Variants in DMD observed in about 807,000 individuals in gnomAD.
DMD encodes the protein dystrophin, also known as mutant dystrophin.
DMD carries 63 observed loss-of-function variants against 330.1 expected under a neutral mutation model. That is an observed-to-expected ratio of 0.19 (90% CI 0.16 to 0.24). DMD has a LOEUF of 0.24. Among genes scored for constraint, DMD ranks in the 10% least tolerant of loss-of-function variants. The pLI is 1.00. For missense variants in DMD, 3,344 were observed against 2,684.1 expected, an observed-to-expected ratio of 1.25 and a Z score of -5.43; for synonymous variants, 1,223 against 959.8, an observed-to-expected ratio of 1.27 and a Z score of -5.07.
chrX:31,340,123 C>T (rs1293766671), intron 61 of DMD, among the ~76,000 whole-genome samples: 1 of 112,196 alleles, frequency 8.9e-6, no homozygotes, highest in African/African-American at 3.2e-5. Context: ...CCCTATGTAT[C>T]AAGGAGAAAC....
intron 52 of DMD, among the ~76,000 whole-genome samples, chrX:31,724,596 T>C (rs938362369): frequency 8.9e-6 from 1 of 111,844 alleles, no homozygotes; most frequent in Non-Finnish European, 1.9e-5. Context: ...CTCTTAAAAC[T>C]TGGAATTCTG....
intron 60 of DMD, among the ~76,000 whole-genome samples, chrX:31,410,517 C>T (rs1338015027): frequency 5.4e-5 from 6 of 111,131 alleles, no homozygotes; most frequent in East Asian, 2.8e-4. Flanking sequence ...TTTCCTTATA[C>T]TATCATAATT....
At chrX:32,138,814 G>A (rs1165144534) in intron 44 of DMD, among the ~76,000 whole-genome samples, 1 of 112,023 alleles carries the variant, frequency 8.9e-6, no homozygotes, top group African/African-American at 3.2e-5. Flanking sequence ...CTGTGCCTAA[G>A]CTAAGTGCCT....
chrX:32,334,313 C>T (rs1221397012), intron 41 of DMD, among the ~76,000 whole-genome samples: 1 of 111,892 alleles, frequency 8.9e-6, no homozygotes, highest in Non-Finnish European at 1.9e-5. Flanking sequence ...ATTCCATTTG[C>T]TAAAGAACAT....
At chrX:32,928,470 C>T (rs987132202) in intron 2 of DMD, among the ~76,000 whole-genome samples, 7 of 111,100 alleles carry the variant, frequency 6.3e-5, no homozygotes, top group East Asian at 2.8e-4. Context: ...TATGTGGATA[C>T]GTAGGTATGT....
intron 29 of DMD, among the ~76,000 whole-genome samples, chrX:32,420,391 G>A (rs1271584082): frequency 9.0e-6 from 1 of 111,708 alleles, no homozygotes; most frequent in Non-Finnish European, 1.9e-5. Context: ...AATCAAGTTG[G>A]AAAAGATGAG....
intron 43 of DMD, among the ~76,000 whole-genome samples, chrX:32,242,890 TGAAAA>T (rs1197074254): frequency 9.5e-6 from 1 of 105,613 alleles, no homozygotes; most frequent in Non-Finnish European, 1.9e-5. Context: ...TTTGTGGTAC[TGAAAA>T]GAAAGCAAGC....
intron 43 of DMD, among the ~76,000 whole-genome samples, chrX:32,250,143 G>A (rs1337050716): frequency 9.0e-6 from 1 of 110,879 alleles, no homozygotes; most frequent in Non-Finnish European, 1.9e-5. Context: ...TCTTCTCAAT[G>A]GAGGATTTTT....
At chrX:32,636,915 G>A (rs1054929952) in intron 11 of DMD, among the ~76,000 whole-genome samples, 3 of 109,870 alleles carry the variant, frequency 2.7e-5, no homozygotes, top group African/African-American at 6.6e-5. Flanking sequence ...GGAGAATGGC[G>A]TGAACCCGGG....
At chrX:32,873,648 A>C (rs1411779092) in intron 2 of DMD, among the ~76,000 whole-genome samples, 1 of 112,006 alleles carries the variant, frequency 8.9e-6, no homozygotes, top group Non-Finnish European at 1.9e-5. Context: ...TTCTGTGTCT[A>C]GAATCTAAAT....
At chrX:32,311,787 G>T (rs1430575453) in intron 41 of DMD, among the ~76,000 whole-genome samples, 3 of 111,504 alleles carry the variant, frequency 2.7e-5, no homozygotes, top group Non-Finnish European at 5.7e-5. Flanking sequence ...ACATTTAAAA[G>T]AAAAATAACT....
At chrX:32,683,795 A>G (rs1011373517) in intron 9 of DMD, among the ~76,000 whole-genome samples, 3 of 109,618 alleles carry the variant, frequency 2.7e-5, no homozygotes, top group African/African-American at 6.6e-5. Context: ...AATAAAAAAA[A>G]AAAGAAAGAA....
chrX:32,345,917 GTATAT>G (rs746696152), intron 39 of DMD, 21 bp downstream of exon 39: 101 of 1,200,966 alleles, frequency 8.4e-5, no homozygotes, highest in Non-Finnish European at 1.1e-4. Flanking sequence ...CACAGGCAAG[GTATAT>G]TATAATTTTA....
chrX:31,842,437 A>T (rs1176449342), intron 48 of DMD, among the ~76,000 whole-genome samples: 1 of 112,251 alleles, frequency 8.9e-6, no homozygotes, highest in Non-Finnish European at 1.9e-5. Context: ...GAGAGCCTTG[A>T]CCTCATTTTT....
In DMD at chrX:31,803,775, C is replaced by T. The variant is rs771349866; in HGVS notation, c.7309+16200G>A. Among the ~76,000 whole-genome samples the T allele has an allele frequency of 4.5e-5, 5 of 110,025 alleles. No individual in the cohort carries two copies. The South Asian group carries it at 2.0e-3, about 44-fold the overall frequency. Reference sequence around the variant, plus strand: ...AGCGCAATGGCACAATCTTGGCTCACCGCAACCTCCACCTCCTGGGTTCAA... The same window carrying T: ...AGCGCAATGGCACAATCTTGGCTCATCGCAACCTCCACCTCCTGGGTTCAA... On this transcript the variant is annotated intron_variant, in intron 50 of 78. Coordinates refer to ENST00000357033, the MANE Select transcript of DMD (RefSeq NM_004006.3).
intron 50 of DMD, among the ~76,000 whole-genome samples, chrX:31,805,103 G>A (rs989580743): frequency 9.0e-6 from 1 of 111,513 alleles, no homozygotes; most frequent in Non-Finnish European, 1.9e-5. Flanking sequence ...GATAAATTAA[G>A]GATACAAATG....
At chrX:31,289,901 T>TATC in intron 62 of DMD, among the ~76,000 whole-genome samples, 1 of 7,795 alleles carries the variant, frequency 1.3e-4, no homozygotes, top group Non-Finnish European at 2.4e-4. Flanking sequence ...TTATTCTGTT[T>TATC]ATTATTATTA....
Position 32,428,963 on chromosome X carries a change from T to C in DMD, c.4071+9278A>G, listed in dbSNP as rs2098224512. Among the ~76,000 whole-genome samples, 3 of 111,489 alleles carry C rather than the reference T, an allele frequency of 2.7e-5. No homozygotes were observed. In the South Asian group the frequency reaches 1.1e-3, roughly 41 times the overall value. Reference sequence around the variant, plus strand: ...ATATTTTACTCCATTTTTTGCCTAATAATGATAATGACCATAATGTCTATT... The same window carrying C: ...ATATTTTACTCCATTTTTTGCCTAACAATGATAATGACCATAATGTCTATT... On this transcript the variant is annotated intron_variant, in intron 29 of 78. Coordinates refer to ENST00000357033, the MANE Select transcript of DMD (RefSeq NM_004006.3).
At chrX:32,505,285 T>G (rs2044506037) in intron 18 of DMD, among the ~76,000 whole-genome samples, 1 of 112,406 alleles carries the variant, frequency 8.9e-6, no homozygotes, top group African/African-American at 3.2e-5. Context: ...TAGAGAATTC[T>G]TATCCGAAAT....
Sources: allele counts gnomAD v4.1 joint callset (sites outside exome capture counted in the v4.1 genomes callset), GRCh38; gene constraint gnomAD v4.1.1; transcripts MANE v1.5; gene names NCBI Gene and HGNC (gene_info 2026-07-23, HGNC 2026-07-21).